WHRN: variants seen among roughly 807,000 people sequenced by gnomAD.
WHRN encodes the protein CASK-interacting protein CIP98.
In WHRN, 41 loss-of-function variants were observed where a neutral mutation model predicts 68.3. That is an observed-to-expected ratio of 0.60 (90% CI 0.47 to 0.78). The LOEUF (loss-of-function observed/expected upper bound fraction) is 0.78, where lower values mean the gene tolerates loss of function less well. WHRN is among the 30% of genes least tolerant of loss of function. The pLI is 0.00. For synonymous variants in WHRN, 560 were observed against 561.3 expected, an observed-to-expected ratio of 1.00 and a Z score of 0.03; for missense variants, 1,243 against 1,244.7, an observed-to-expected ratio of 1.00 and a Z score of 0.02.
chr9:114,489,372 C>A (rs1326027622), intron 1 of WHRN, among the ~76,000 whole-genome samples: 2 of 152,190 alleles, frequency 1.3e-5, no homozygotes, highest in East Asian at 3.9e-4. Context: ...TGGAAATAAT[C>A]CATTAATTTC....
Position 114,489,512 on chromosome 9 carries a change from G to A in WHRN, c.619-10741C>T, listed in dbSNP as rs62555204. Among the ~76,000 whole-genome samples the A allele has an allele frequency of 1.0e-3, 14 of 13,954 alleles. No homozygotes were observed. In the South Asian group the frequency reaches 0.023, roughly 23 times the overall value. The allele number at this position is 13,954 out of a possible 152,430, so 9.2% of individuals were successfully genotyped here. A position where few individuals can be genotyped will look rare whatever the true frequency, so the allele number is the denominator to read the frequency against. ...CACGTACACACACACACGCACACAC[G>A]CGTGCACACACACACACACACACAC... On this transcript the variant is annotated intron_variant, in intron 1 of 11. Coordinates refer to ENST00000362057, the MANE Select transcript of WHRN (RefSeq NM_015404.4).
chr9:114,451,164 G>A (rs557874232), intron 3 of WHRN, among the ~76,000 whole-genome samples: 16 of 152,336 alleles, frequency 1.1e-4, no homozygotes, highest in East Asian at 3.9e-4. Flanking sequence ...TCAGAAAAAC[G>A]TGGGCAAAGC....
chr9:114,476,838 G>A (rs1410997740), intron 2 of WHRN, among the ~76,000 whole-genome samples: 1 of 152,156 alleles, frequency 6.6e-6, no homozygotes, highest in East Asian at 1.9e-4. Flanking sequence ...GGAGGACTCA[G>A]GAAGACACTG....
chr9:114,456,151 A>AAC (rs148294713), intron 3 of WHRN, among the ~76,000 whole-genome samples: 1,827 of 148,278 alleles, frequency 0.012, 8 homozygotes, highest in Non-Finnish European at 0.017. Flanking sequence ...AAAAAAAAAA[A>AAC]CATCTCCAAA....
At position 114,406,684 on chromosome 9, in the gene WHRN, G is replaced by A; in HGVS notation, c.1907C>T (p.Thr636Ile). The change falls in exon 9 of 12, where the codon ACC (threonine) becomes ATC (isoleucine). Residue 636 changes from threonine to isoleucine, a missense_variant. By Grantham distance (89) the Thr-to-Ile change is moderately conservative (BLOSUM62 -1). Transcript: ENST00000362057. ...GTCCTGTGCAGAGGAGGTCCCTGGG[G>A]TGGGTGCGGTGCCCGCTGGCGGGCT... ...NRSPPAGTAP[T>I]PGTSSAQDLP... The A allele has an allele frequency of 6.2e-7, 1 of 1,614,098 alleles. No individual in the cohort carries two copies. The highest frequency in any genetic ancestry group is 8.5e-7 in the Non-Finnish European group (1 of 1,180,038).
chr9:114,458,890 T>G (rs1840022408), intron 3 of WHRN, among the ~76,000 whole-genome samples: 3 of 152,322 alleles, frequency 2.0e-5, no homozygotes, highest in African/African-American at 7.2e-5. Flanking sequence ...TGCTAAGCAC[T>G]TTTTATGTTC....
At chr9:114,499,090 C>G (rs995801077) in intron 1 of WHRN, among the ~76,000 whole-genome samples, 1 of 152,154 alleles carries the variant, frequency 6.6e-6, no homozygotes, top group African/African-American at 2.4e-5. Flanking sequence ...ATCTTCTGTT[C>G]AATTTTGCTG....
chr9:114,472,608 G>A (rs147939806), intron 2 of WHRN, among the ~76,000 whole-genome samples: 3 of 151,998 alleles, frequency 2.0e-5, no homozygotes, highest in East Asian at 1.9e-4. Flanking sequence ...TTTCATGCCC[G>A]TTACGGTCCC....
intron 3 of WHRN, among the ~76,000 whole-genome samples, chr9:114,460,170 C>T (rs533711249): frequency 4.6e-5 from 7 of 152,304 alleles, no homozygotes; most frequent in African/African-American, 1.7e-4. Flanking sequence ...TCCTTTATTT[C>T]CTCTCTCTGC....
At chr9:114,459,449 CGA>C (rs2132848505) in intron 3 of WHRN, among the ~76,000 whole-genome samples, 1 of 118,708 alleles carries the variant, frequency 8.4e-6, no homozygotes, top group African/African-American at 3.1e-5. Flanking sequence ...GGCAATAGAG[CGA>C]GAGTTCATCT....
intron 1 of WHRN, among the ~76,000 whole-genome samples, chr9:114,502,348 C>A (rs1310991555): frequency 6.6e-6 from 1 of 152,170 alleles, no homozygotes; most frequent in Non-Finnish European, 1.5e-5. Context: ...CCCTTGCCAG[C>A]AAGGGTTTAT....
At chr9:114,494,459 T>C (rs1535961) in intron 1 of WHRN, among the ~76,000 whole-genome samples, 145,807 of 152,288 alleles carry the variant, frequency 0.96, 70,130 homozygotes, top group East Asian at 1. Flanking sequence ...TTATTCCCAT[T>C]ACAATTTCAC....
At chr9:114,497,651 G>A (rs1843577554) in intron 1 of WHRN, among the ~76,000 whole-genome samples, 1 of 152,204 alleles carries the variant, frequency 6.6e-6, no homozygotes, top group Admixed American at 6.5e-5. Flanking sequence ...CAATCAGGCT[G>A]CTGAAATAAC....
Position 114,426,433 on chromosome 9 carries a change from A to G in WHRN, c.964-20T>C. On this transcript the variant is annotated intron_variant, in intron 3 of 11. Coordinates refer to ENST00000362057, the MANE Select transcript of WHRN (RefSeq NM_015404.4). ...CCCAACCTGCCAAGATCACCACACA[A>G]TACAGTCACCTGGGCTGTTTGCAGG... is the stretch of plus-strand genomic sequence containing the variant. 6.2e-7 allele frequency: 1 copy of G among 1,613,466 alleles called. No homozygotes were observed. Among genetic ancestry groups the G allele is most frequent in the Non-Finnish European group, 8.5e-7 (1 of 1,179,780 alleles).
intron 3 of WHRN, among the ~76,000 whole-genome samples, chr9:114,449,867 T>C (rs1423064412): frequency 6.6e-6 from 1 of 152,210 alleles, no homozygotes; most frequent in Non-Finnish European, 1.5e-5. Context: ...TGCCAGGCAC[T>C]GGGCTAGGGA....
intron 3 of WHRN, among the ~76,000 whole-genome samples, chr9:114,439,184 T>C (rs1838156175): frequency 6.6e-6 from 1 of 152,228 alleles, no homozygotes; most frequent in Non-Finnish European, 1.5e-5. Context: ...ACTCGGAGTG[T>C]ACCTTTTTGT....
chr9:114,472,391 G>A (rs1364592070), intron 2 of WHRN, among the ~76,000 whole-genome samples: 4 of 152,172 alleles, frequency 2.6e-5, no homozygotes, highest in Non-Finnish European at 5.9e-5. Flanking sequence ...CCTGCCTGAG[G>A]CCTCCAGCCA....
At chr9:114,408,902 A>G (rs1835229803) in intron 7 of WHRN, among the ~76,000 whole-genome samples, 1 of 152,226 alleles carries the variant, frequency 6.6e-6, no homozygotes, top group South Asian at 2.1e-4. Flanking sequence ...AACAGAACAG[A>G]AAGGCAGAGG....
chr9:114,434,538 T>C (rs989972807), intron 3 of WHRN, among the ~76,000 whole-genome samples: 63 of 152,226 alleles, frequency 4.1e-4, no homozygotes, highest in Middle Eastern at 6.3e-3. Flanking sequence ...CCTCCAAGCC[T>C]GGTCCTTCTC....
Sources: allele counts gnomAD v4.1 joint callset (sites outside exome capture counted in the v4.1 genomes callset), GRCh38; gene constraint gnomAD v4.1.1; transcripts MANE v1.5; gene names NCBI Gene and HGNC (gene_info 2026-07-23, HGNC 2026-07-21).